The following DDX21 variants were observed in gnomAD, a reference collection of about 807,000 sequenced individuals.
DDX21 encodes DExD-box helicase 21.
Under a neutral mutation model 90.0 loss-of-function variants are expected in DDX21, and 18 were observed. The observed-to-expected ratio is 0.20, with a 90% CI of 0.14 to 0.30. DDX21 has a LOEUF of 0.30. DDX21 is among the 10% of genes least tolerant of loss of function. The pLI is 1.00. For synonymous variants in DDX21, 294 were observed against 318.0 expected, an observed-to-expected ratio of 0.92 and a Z score of 0.80; for missense variants, 673 against 944.5, an observed-to-expected ratio of 0.71 and a Z score of 3.77.
At chr10:68,976,049 CAA>C (rs58243000) in intron 11 of DDX21, among the ~76,000 whole-genome samples, 35,530 of 136,418 alleles carry the variant, frequency 0.26, 4,574 homozygotes, top group Admixed American at 0.33. Flanking sequence ...AACTCTGTCT[CAA>C]AAAAAAAAAA....
At chr10:68,961,186 A>G (rs1842868628) in intron 2 of DDX21, among the ~76,000 whole-genome samples, 1 of 152,162 alleles carries the variant, frequency 6.6e-6, no homozygotes, top group Non-Finnish European at 1.5e-5. Flanking sequence ...AATCCCGCCT[A>G]AGCCTCCCGA....
At chr10:68,972,825 T>TA (rs1469321686) in intron 9 of DDX21, among the ~76,000 whole-genome samples, 1 of 152,164 alleles carries the variant, frequency 6.6e-6, no homozygotes, top group Admixed American at 6.6e-5. Context: ...TTTGAAGACT[T>TA]ACGAAAAAAT....
At chr10:68,977,355 A>G (rs965259718) in intron 11 of DDX21, among the ~76,000 whole-genome samples, 174 bp from the exon 12 acceptor site, 1 of 152,238 alleles carries the variant, frequency 6.6e-6, no homozygotes, top group Non-Finnish European at 1.5e-5. Flanking sequence ...AATTACATAC[A>G]GTCAAAGGAA....
At chr10:68,964,833 G>A (rs949585989) in intron 4 of DDX21, among the ~76,000 whole-genome samples, 1 of 151,714 alleles carries the variant, frequency 6.6e-6, no homozygotes, top group Admixed American at 6.6e-5. Flanking sequence ...TGTATTTTTA[G>A]TAGAGATAGA....
At chr10:68,975,128 G>C (rs1843081444) in intron 11 of DDX21, among the ~76,000 whole-genome samples, 1 of 152,124 alleles carries the variant, frequency 6.6e-6, no homozygotes. Context: ...ATATTTTAAG[G>C]GATAATATCT....
In DDX21 at chr10:68,983,019, G is replaced by GT. The variant is rs751663665; in HGVS notation, c.*212dup. The stretch of plus-strand genomic sequence containing the variant: ...TAACTTTATTGTTACTTCTTCATCA[G>GT]TTTTTCCTTTTGAAAGGTGTATGAA... On this transcript the variant is annotated 3_prime_UTR_variant, in exon 15 of 15. Transcript: ENST00000354185. The GT allele has an allele frequency of 1.4e-4, 95 of 666,172 alleles. No homozygotes were observed. Among genetic ancestry groups the GT allele is most frequent in the Non-Finnish European group, 2.1e-4 (84 of 406,088 alleles). 41.3% of individuals were successfully genotyped at this position (666,172 alleles called of 1,614,324 possible).
chr10:68,970,750 T>G (rs773977911), intron 8 of DDX21, among the ~76,000 whole-genome samples: 1 of 152,074 alleles, frequency 6.6e-6, no homozygotes, highest in Non-Finnish European at 1.5e-5. Context: ...CTTCTTGGGT[T>G]CAAGCAGTTC....
intron 4 of DDX21, among the ~76,000 whole-genome samples, chr10:68,964,896 C>T (rs1440840634): frequency 6.6e-6 from 1 of 152,138 alleles, no homozygotes; most frequent in East Asian, 1.9e-4. Flanking sequence ...CCACCTTGGC[C>T]TCCCAAAGTG....
intron 1 of DDX21, 128 bp downstream of exon 1, chr10:68,956,440 G>A: frequency 6.7e-7 from 1 of 1,493,564 alleles, no homozygotes; most frequent in Admixed American, 2.3e-5. Flanking sequence ...CACCGGGCGT[G>A]GGTCTTGGCG....
chr10:68,965,585 C>T (rs1842929034), intron 5 of DDX21, 91 bp downstream of exon 5: 1 of 940,576 alleles, frequency 1.1e-6, no homozygotes, highest in Non-Finnish European at 1.7e-6. Flanking sequence ...TCTGGCTTCT[C>T]TATATAGGAT....
chr10:68,975,684 T>A (rs1222382418), intron 11 of DDX21, among the ~76,000 whole-genome samples: 4 of 152,096 alleles, frequency 2.6e-5, no homozygotes, highest in Admixed American at 2.6e-4. Flanking sequence ...ATGCCTGTAA[T>A]CCCAGCACTT....
intron 2 of DDX21, 114 bp downstream of exon 2, chr10:68,960,363 C>T (rs954018257): frequency 9.0e-7 from 1 of 1,107,226 alleles, no homozygotes; most frequent in Non-Finnish European, 1.2e-6. Context: ...TGTGTCAGCA[C>T]CTTGTGGGTT....
chr10:68,981,456 T>C, intron 13 of DDX21, 81 bp from the exon 14 acceptor site: 1 of 1,289,424 alleles, frequency 7.8e-7, no homozygotes, highest in South Asian at 1.3e-5. Flanking sequence ...TTTTCTTTTT[T>C]TTAAAGAATA....
At position 68,959,912 on chromosome 10, in the gene DDX21, C is replaced by T. The variant is rs779581058; in HGVS notation, c.194C>T (p.Ser65Phe). ...CAAGTTAAAAAGAAAGCAGAGCCTT[C>T]TGAAGTTGACATGAATTCTCCTAAA... The part of the protein sequence containing the change: ...AKQVKKKAEP[S>F]EVDMNSPKSK... Residue 65 changes from serine (S) to phenylalanine (F), a missense_variant, in exon 2 of 15, where the codon TCT becomes TTT. Ser to Phe is a radical substitution (Grantham distance 155). Transcript: ENST00000354185. 6.2e-7 allele frequency: 1 copy of T among 1,608,666 alleles called. No homozygotes were observed. Among genetic ancestry groups the T allele is most frequent in the Non-Finnish European group, 8.5e-7 (1 of 1,179,110 alleles).
intron 5 of DDX21, among the ~76,000 whole-genome samples, chr10:68,966,415 G>GC (rs1842939044): frequency 6.7e-6 from 1 of 148,968 alleles, no homozygotes; most frequent in African/African-American, 2.5e-5. Flanking sequence ...CTCCAGTAGT[G>GC]CATATTTCTT....
chr10:68,970,425 C>T, intron 8 of DDX21, 75 bp downstream of exon 8: 1 of 1,411,884 alleles, frequency 7.1e-7, no homozygotes, highest in Admixed American at 2.5e-5. Context: ...TGCTCTTGGT[C>T]TGATTTTCAT....
chr10:68,965,404 T>C lies in DDX21; in HGVS notation c.814T>C (p.Leu272=), dbSNP rs140156514. The change falls in exon 5 of 15, where the codon TTG becomes CTG. Residue 272 remains leucine (L), a synonymous_variant. Coordinates refer to ENST00000354185, the MANE Select transcript of DDX21 (RefSeq NM_004728.4). The part of the protein sequence containing the change: ...QVLVLAPTRE[L]ANQVSKDFSD... ...ACTGGTTCTTGCACCTACAAGAGAG[T>C]TGGCAAATCAAGTAAGCAAAGACTT... 153 of 1,613,760 alleles carry C rather than the reference T, an allele frequency of 9.5e-5. 1 individual carries two copies. The highest frequency in any genetic ancestry group is 1.2e-4 in the Non-Finnish European group (147 of 1,179,944).
At chr10:68,974,289 G>T (rs976316753) in intron 10 of DDX21, among the ~76,000 whole-genome samples, 4 of 152,172 alleles carry the variant, frequency 2.6e-5, no homozygotes, top group Non-Finnish European at 5.9e-5. Context: ...CCCTGAGCAT[G>T]AGGAAAACAC....
chr10:68,981,509 ATTAACT>A, intron 13 of DDX21, 22 bp from the exon 14 acceptor site: 1 of 1,608,432 alleles, frequency 6.2e-7, no homozygotes. Flanking sequence ...CGTTGGTTGG[ATTAACT>A]TCCATTTGCT....
Sources: gnomAD v4.1 joint callset for allele counts (sites outside exome capture counted in the v4.1 genomes callset) on GRCh38, gnomAD v4.1.1 for gene constraint, MANE v1.5 for transcripts, NCBI Gene and HGNC (gene_info 2026-07-23, HGNC 2026-07-21) for gene names.